Variants in TAFA2 observed in about 807,000 individuals in gnomAD.
TAFA2 encodes the protein chemokine-like protein TAFA-2.
A neutral mutation model predicts 18.8 loss-of-function variants in TAFA2; 7 were observed. The ratio of observed to expected loss-of-function variants is 0.37; its 90% CI spans 0.21 to 0.70. The LOEUF is 0.70. Ranked by LOEUF, TAFA2 falls within the 30% of genes least tolerant of loss-of-function variation. The probability of loss-of-function intolerance (pLI) is 0.53; values close to 1 mark genes in which losing one functional copy is unlikely to be tolerated. For synonymous variants in TAFA2, 60 were observed against 54.2 expected, an observed-to-expected ratio of 1.11 and a Z score of -0.47; for missense variants, 122 against 158.1, an observed-to-expected ratio of 0.77 and a Z score of 1.23.
intron 1 of TAFA2, among the ~76,000 whole-genome samples, chr12:62,243,576 A>G (rs985333621): frequency 1.3e-5 from 2 of 152,216 alleles, no homozygotes; most frequent in African/African-American, 4.8e-5. Context: ...AACTAACTAT[A>G]TGCCAGAAAG....
intron 2 of TAFA2, among the ~76,000 whole-genome samples, chr12:61,852,938 AC>A (rs1374608501): frequency 6.6e-6 from 1 of 152,136 alleles, no homozygotes; most frequent in African/African-American, 2.4e-5. Context: ...AAGGGTACAA[AC>A]CTTTAGCTGT....
upstream of TAFA2, among the ~76,000 whole-genome samples, chr12:62,195,136 C>G (rs1187414017): frequency 6.6e-6 from 1 of 152,188 alleles, no homozygotes; most frequent in Non-Finnish European, 1.5e-5. Flanking sequence ...TCAATTGACT[C>G]TTCCTTTCAC....
At chr12:62,125,571 C>T (rs1431139256) in intron 1 of TAFA2, among the ~76,000 whole-genome samples, 1 of 152,098 alleles carries the variant, frequency 6.6e-6, no homozygotes, top group East Asian at 1.9e-4. Context: ...TTCCCAAATG[C>T]TCACTGAACC....
intron 1 of TAFA2, among the ~76,000 whole-genome samples, chr12:62,095,821 CT>C (rs1191748095): frequency 6.6e-6 from 1 of 152,100 alleles, no homozygotes; most frequent in Non-Finnish European, 1.5e-5. Context: ...GTAAAGAACG[CT>C]TTTTGCCAGT....
chr12:61,938,669 C>CT (rs1877873923), intron 1 of TAFA2, among the ~76,000 whole-genome samples: 1 of 152,094 alleles, frequency 6.6e-6, no homozygotes, highest in Non-Finnish European at 1.5e-5. Flanking sequence ...GCCCATTGAC[C>CT]AATGAGTGAA....
At chr12:62,016,326 T>C (rs1158329086) in intron 1 of TAFA2, among the ~76,000 whole-genome samples, 1 of 152,192 alleles carries the variant, frequency 6.6e-6, no homozygotes, top group Non-Finnish European at 1.5e-5. Flanking sequence ...CTTAAATTTC[T>C]TTTCAGGAAA....
At chr12:61,897,359 G>T (rs1488868112) in intron 1 of TAFA2, among the ~76,000 whole-genome samples, 5 of 152,042 alleles carry the variant, frequency 3.3e-5, no homozygotes, top group Admixed American at 6.6e-5. Flanking sequence ...ATATCTGTAG[G>T]TTCCGCAACC....
chr12:62,161,211 T>C (rs1273678696), intron 1 of TAFA2, among the ~76,000 whole-genome samples: 1 of 152,092 alleles, frequency 6.6e-6, no homozygotes, highest in Non-Finnish European at 1.5e-5. Flanking sequence ...ATCAGATAAA[T>C]ACCAAAGAAA....
chr12:62,100,138 TACACACACACACAC>T (rs373455310), intron 1 of TAFA2, among the ~76,000 whole-genome samples: 9 of 145,674 alleles, frequency 6.2e-5, no homozygotes, highest in Non-Finnish European at 9.1e-5. Context: ...CAACTCCCTC[TACACACACACACAC>T]ACACACACAC....
chr12:61,917,102 T>A (rs1275035965), intron 1 of TAFA2, among the ~76,000 whole-genome samples: 2 of 152,028 alleles, frequency 1.3e-5, no homozygotes, highest in Non-Finnish European at 2.9e-5. Flanking sequence ...GAGAGGGAAA[T>A]GAAGATGACT....
chr12:61,949,789 A>C (rs1878403043), intron 1 of TAFA2, among the ~76,000 whole-genome samples: 2 of 152,262 alleles, frequency 1.3e-5, no homozygotes, highest in South Asian at 2.1e-4. Context: ...GAAAACATAA[A>C]ATTTACTATC....
At chr12:61,905,667 T>C (rs1876317357) in intron 1 of TAFA2, among the ~76,000 whole-genome samples, 1 of 152,194 alleles carries the variant, frequency 6.6e-6, no homozygotes, top group African/African-American at 2.4e-5. Flanking sequence ...AAAAATATCC[T>C]CATATCCAAT....
chr12:61,912,841 G>GGTT (rs1195871816), intron 1 of TAFA2, among the ~76,000 whole-genome samples: 1 of 152,116 alleles, frequency 6.6e-6, no homozygotes, highest in African/African-American at 2.4e-5. Context: ...ACAAGCCAGG[G>GGTT]GTTTCAATTC....
chr12:62,162,853 A>G (rs911932782), intron 1 of TAFA2, among the ~76,000 whole-genome samples: 1 of 152,090 alleles, frequency 6.6e-6, no homozygotes, highest in Non-Finnish European at 1.5e-5. Context: ...CCCCAAAAGA[A>G]GAAAAAAGTG....
intron 1 of TAFA2, among the ~76,000 whole-genome samples, chr12:61,977,475 T>C (rs992268839): frequency 1.3e-5 from 2 of 152,090 alleles, no homozygotes; most frequent in African/African-American, 2.4e-5. Flanking sequence ...TTGCCAAGTG[T>C]GCACTGAATG....
intron 1 of TAFA2, among the ~76,000 whole-genome samples, chr12:62,143,078 C>T (rs566463023): frequency 1.4e-4 from 21 of 152,246 alleles, no homozygotes; most frequent in South Asian, 4.2e-4. Context: ...ACCTGCCTTT[C>T]CAAACTTCTT....
chr12:61,717,468 C>G (rs777856637), intron 4 of TAFA2, among the ~76,000 whole-genome samples: 16 of 152,172 alleles, frequency 1.1e-4, no homozygotes, highest in Non-Finnish European at 1.9e-4. Flanking sequence ...CATACCACAG[C>G]TTAGTTTTAC....
chr12:62,001,022 A>G (rs1880359144), intron 1 of TAFA2, among the ~76,000 whole-genome samples: 1 of 152,216 alleles, frequency 6.6e-6, no homozygotes, highest in Non-Finnish European at 1.5e-5. Flanking sequence ...CCCCCTGCCT[A>G]TTGAATCAAT....
At chr12:61,965,972 G>A (rs1879051645) in intron 1 of TAFA2, among the ~76,000 whole-genome samples, 1 of 151,838 alleles carries the variant, frequency 6.6e-6, no homozygotes, top group Non-Finnish European at 1.5e-5. Context: ...TCCATTGATG[G>A]ACATTTGAGT....
Sources: gnomAD v4.1 joint callset for allele counts (sites outside exome capture counted in the v4.1 genomes callset) on GRCh38, gnomAD v4.1.1 for gene constraint, MANE v1.5 for transcripts, NCBI Gene and HGNC (gene_info 2026-07-23, HGNC 2026-07-21) for gene names.